ST7: variants seen among roughly 807,000 people sequenced by gnomAD.
The protein encoded by ST7 is suppression of tumorigenicity 7.
ST7 carries 28 observed loss-of-function variants against 78.7 expected under a neutral mutation model. That is an observed-to-expected ratio of 0.36 (90% CI 0.26 to 0.49). The LOEUF (loss-of-function observed/expected upper bound fraction) is 0.49, where lower values mean the gene tolerates loss of function less well. Among genes scored for constraint, ST7 ranks in the 20% least tolerant of loss-of-function variants. The pLI is 0.99. For synonymous variants in ST7, 247 were observed against 249.6 expected, an observed-to-expected ratio of 0.99 and a Z score of 0.10; for missense variants, 418 against 696.0, an observed-to-expected ratio of 0.60 and a Z score of 4.49.
chr7:117,011,111 G>C (rs1215893928), intron 1 of ST7, among the ~76,000 whole-genome samples: 1 of 152,156 alleles, frequency 6.6e-6, no homozygotes, highest in Non-Finnish European at 1.5e-5. Flanking sequence ...CTAGTAGGCA[G>C]ATCCTCCAAC....
intron 1 of ST7, among the ~76,000 whole-genome samples, chr7:116,979,958 CTTTTTTT>C (rs745530832): frequency 4.6e-5 from 4 of 86,240 alleles, no homozygotes; most frequent in Non-Finnish European, 6.1e-5. Flanking sequence ...TTTTGTTTCT[CTTTTTTT>C]TTTTTTTTTT....
At chr7:117,228,836 G>T (rs1211611524) in intron 15 of ST7, among the ~76,000 whole-genome samples, 1 of 152,090 alleles carries the variant, frequency 6.6e-6, no homozygotes, top group East Asian at 1.9e-4. Context: ...AGGACAAAGG[G>T]CTCCATGGTA....
chr7:116,979,958 C>CTTTTTTTTTTT (rs745530832), intron 1 of ST7, among the ~76,000 whole-genome samples: 895 of 86,188 alleles, frequency 0.01, 47 homozygotes, highest in Middle Eastern at 0.025. Flanking sequence ...TTTTGTTTCT[C>CTTTTTTTTTTT]TTTTTTTTTT....
At chr7:117,145,176 G>A (rs1805663154) in intron 9 of ST7, among the ~76,000 whole-genome samples, 1 of 151,436 alleles carries the variant, frequency 6.6e-6, no homozygotes, top group African/African-American at 2.4e-5. Context: ...CTGCATTCCA[G>A]CCTGGGCAAC....
intron 9 of ST7, among the ~76,000 whole-genome samples, chr7:117,147,938 C>G (rs1348066069): frequency 6.6e-6 from 1 of 152,024 alleles, no homozygotes; most frequent in Non-Finnish European, 1.5e-5. Flanking sequence ...TGGTCACTTC[C>G]CCTGAGGCCT....
intron 10 of ST7, among the ~76,000 whole-genome samples, chr7:117,181,393 G>A (rs956250266): frequency 1.3e-5 from 2 of 152,166 alleles, no homozygotes; most frequent in Non-Finnish European, 2.9e-5. Flanking sequence ...CAAGGACATG[G>A]TATTGCAGGT....
chr7:117,044,739 A>T (rs185768071), intron 1 of ST7, among the ~76,000 whole-genome samples: 11 of 152,270 alleles, frequency 7.2e-5, no homozygotes, highest in Non-Finnish European at 1.0e-4. Context: ...GTGACTTCAA[A>T]GTTAATGTTT....
chr7:116,984,650 CA>C (rs914167189), intron 1 of ST7, among the ~76,000 whole-genome samples: 5 of 152,094 alleles, frequency 3.3e-5, no homozygotes, highest in African/African-American at 1.2e-4. Flanking sequence ...CTCATTTGTA[CA>C]GTGGGGATTT....
At chr7:117,119,929 AC>A (rs1783754863) in intron 3 of ST7, among the ~76,000 whole-genome samples, 2 of 147,482 alleles carry the variant, frequency 1.4e-5, no homozygotes, top group Non-Finnish European at 3.0e-5. Context: ...TATTAATTTT[AC>A]CCTCCTTTTT....
intron 1 of ST7, among the ~76,000 whole-genome samples, chr7:116,987,869 G>A (rs1227133219): frequency 6.6e-6 from 1 of 152,094 alleles, no homozygotes; most frequent in African/African-American, 2.4e-5. Flanking sequence ...GATTACAGAC[G>A]CCTACCACCA....
intron 13 of ST7, among the ~76,000 whole-genome samples, chr7:117,216,416 A>G (rs2116117377): frequency 1.3e-5 from 2 of 152,328 alleles, no homozygotes; most frequent in South Asian, 4.1e-4. Flanking sequence ...TGTTTTCTTA[A>G]GGATTTTTAG....
intron 12 of ST7, 97 bp from the exon 13 acceptor site, chr7:117,209,690 A>G (rs1382222211): frequency 1.5e-6 from 2 of 1,374,866 alleles, no homozygotes; most frequent in East Asian, 5.0e-5. Flanking sequence ...AAATGCTTAT[A>G]AGTGGTGGCT....
At chr7:117,056,725 A>G (rs757197180) in intron 1 of ST7, among the ~76,000 whole-genome samples, 1 of 152,200 alleles carries the variant, frequency 6.6e-6, no homozygotes, top group Admixed American at 6.5e-5. Flanking sequence ...AAATCTTTAC[A>G]CAAGGATCTT....
intron 12 of ST7, 134 bp from the exon 13 acceptor site, chr7:117,209,653 T>A: frequency 1.0e-6 from 1 of 995,344 alleles, no homozygotes; most frequent in Non-Finnish European, 1.5e-6. Flanking sequence ...TGCCTTCAAA[T>A]GTAGTAATGA....
rs115895539 is a variant in ST7, at chr7:117,024,193, A to G, written c.151+70502A>G. Among the ~76,000 whole-genome samples, 142 of 152,246 alleles carry G rather than the reference A, an allele frequency of 9.3e-4. 1 individual carries two copies. The highest frequency in any genetic ancestry group is 3.2e-3 in the African/African-American group (134 of 41,542). On this transcript the variant is annotated intron_variant, in intron 1 of 15. Transcript: ENST00000323984. ...TTTTCTCTTAAAATTTTATAAGAGG[A>G]GAAAATATTTTTAGGGAGAAAGGGA...
chr7:117,170,855 G>T lies in ST7; in HGVS notation c.964-7G>T, dbSNP rs1258007936. ...TACTAATTATTCCTTGGTTTCTTCT[G>T]CCCTAGTTAATGAAGGAGTTCCCCC... On this transcript the variant is annotated splice_polypyrimidine_tract_variant and splice_region_variant and intron_variant, in intron 9 of 15. Transcript: ENST00000323984. 2 of 1,535,006 alleles carry T rather than the reference G, an allele frequency of 1.3e-6. No individual in the cohort carries two copies.
chr7:117,143,158 C>T (rs913329457), intron 9 of ST7, among the ~76,000 whole-genome samples: 1 of 152,098 alleles, frequency 6.6e-6, no homozygotes, highest in Non-Finnish European at 1.5e-5. Flanking sequence ...ATGCATGCTT[C>T]GAGATCATTG....
At chr7:117,197,129 G>A (rs1810393555) in intron 12 of ST7, among the ~76,000 whole-genome samples, 1 of 152,070 alleles carries the variant, frequency 6.6e-6, no homozygotes, top group Admixed American at 6.6e-5. Flanking sequence ...CAAACTCAAG[G>A]GCTCAAGGGA....
intron 1 of ST7, chr7:116,972,338 G>A: frequency 1.6e-6 from 1 of 607,234 alleles, no homozygotes; most frequent in East Asian, 2.9e-5. Context: ...TTATCAGTAA[G>A]AATCTTGATC....
Sources: gnomAD v4.1 joint callset for allele counts (sites outside exome capture counted in the v4.1 genomes callset) on GRCh38, gnomAD v4.1.1 for gene constraint, MANE v1.5 for transcripts, NCBI Gene and HGNC (gene_info 2026-07-23, HGNC 2026-07-21) for gene names.